Variants in DNAH10 observed in about 807,000 individuals in gnomAD.
DNAH10 encodes the protein axonemal beta dynein heavy chain 10.
Under a neutral mutation model 506.6 loss-of-function variants are expected in DNAH10, and 348 were observed. The ratio of observed to expected loss-of-function variants is 0.69; its 90% confidence interval spans 0.63 to 0.75. DNAH10 has a LOEUF of 0.75. Among genes scored for constraint, DNAH10 ranks in the 30% least tolerant of loss-of-function variants. DNAH10 has a pLI of 0.00. For synonymous variants in DNAH10, 2,059 were observed against 2,198.6 expected (o/e 0.94, Z 1.78); for missense variants, 5,179 against 5,787.1 (o/e 0.89, Z 3.41).
At chr12:123,835,635 AT>A in intron 28 of DNAH10, 107 bp downstream of exon 28, 1 of 1,442,694 alleles carries the variant, frequency 6.9e-7, no homozygotes, top group Non-Finnish European at 9.2e-7. Flanking sequence ...CTTCTCTCTC[AT>A]TTTTTAGAGA....
chr12:123,914,928 CCT>C lies in DNAH10; in HGVS notation c.10654_10655del (p.Leu3552ValfsTer27). 2 of 1,613,122 alleles carry C rather than the reference CCT, an allele frequency of 1.2e-6. No individual in the cohort carries two copies. Among genetic ancestry groups the C allele is most frequent in the Non-Finnish European group, 1.7e-6 (2 of 1,179,586 alleles). ...CCTCACCACCCGGGCCAGCCGCTTC[CCT>C]CTGTGTATCGACCCCCAGCAGCAGG... ...GILTTRASRF[P>X]LCIDPQQQAL... is the part of the protein sequence containing the mutation. On this transcript the variant is annotated frameshift_variant, in exon 62 of 79. Coordinates refer to ENST00000673944, the MANE Select transcript of DNAH10 (RefSeq NM_001372106.1). LOFTEE classifies it high-confidence loss of function.
chr12:123,766,334 C>G (rs1313255964), intron 1 of DNAH10, among the ~76,000 whole-genome samples: 1 of 148,200 alleles, frequency 6.7e-6, no homozygotes, highest in Non-Finnish European at 1.5e-5. Context: ...CTATATCTGT[C>G]TATCCTTGTT....
intron 5 of DNAH10, among the ~76,000 whole-genome samples, chr12:123,777,766 C>A (rs894906794): frequency 6.6e-6 from 1 of 152,180 alleles, no homozygotes; most frequent in Non-Finnish European, 1.5e-5. Context: ...CCACCTCAGC[C>A]TCCTGAGTAG....
Position 123,925,314 on chromosome 12 carries a change from T to TC in DNAH10, c.11921+111dup. ...GGCTGACCAGCTCCCGAGACAGCTG[T>TC]CGCCACCCTGCTGTACAATATTCGA... On this transcript the variant is annotated intron_variant, in intron 68 of 78. Transcript: ENST00000673944. The surrounding 1 kb of genome is among the most constrained non-coding windows in gnomAD (Gnocchi z 4.0). 1 of 1,407,144 alleles carries TC rather than the reference T, an allele frequency of 7.1e-7. No homozygotes were observed. 87.2% of individuals were successfully genotyped at this position (1,407,144 alleles called of 1,614,324 possible). A position where few individuals can be genotyped will look rare whatever the true frequency, so the allele number is the denominator to read the frequency against.
chr12:123,826,705 T>C lies in DNAH10; in HGVS notation c.4198T>C (p.Ser1400Pro). Residue 1400 changes from serine (S) to proline (P), a missense_variant, in exon 25 of 79, where the codon TCT (serine) becomes CCT (proline). Ser to Pro is a moderately conservative substitution (Grantham distance 74). This residue lies in a region of DNAH10 where 4,844 missense variants were observed against 5,430.5 expected (regional missense o/e 0.89). Transcript: ENST00000673944. ...EGLKVAKEEWSQTLWINLNVQ... is the reference protein window; with the variant it reads ...EGLKVAKEEWPQTLWINLNVQ... Reference sequence around the variant, plus strand: ...TTTCCAGGTTGCAAAAGAAGAATGGTCTCAGACCCTTTGGATCAACCTGAA... The same window carrying C: ...TTTCCAGGTTGCAAAAGAAGAATGGCCTCAGACCCTTTGGATCAACCTGAA... 1 of 1,613,564 alleles carries C rather than the reference T, an allele frequency of 6.2e-7. No individual in the cohort carries two copies. The highest frequency in any genetic ancestry group is 8.5e-7 in the Non-Finnish European group (1 of 1,179,730).
intron 17 of DNAH10, among the ~76,000 whole-genome samples, 178 bp from the exon 18 acceptor site, chr12:123,804,655 G>T (rs12099437): frequency 0.01 from 1,594 of 152,256 alleles, 29 homozygotes; most frequent in African/African-American, 0.036. Flanking sequence ...GTGCGTAACT[G>T]GTTGTCATTT....
At chr12:123,887,445 G>C (rs1248647972) in intron 52 of DNAH10, 132 bp downstream of exon 52, 1 of 1,096,734 alleles carries the variant, frequency 9.1e-7, no homozygotes, top group Non-Finnish European at 1.3e-6. Flanking sequence ...CTCCCTCACG[G>C]CGGCCCCTGA....
chr12:123,848,410 G>A (rs975510969), intron 33 of DNAH10, among the ~76,000 whole-genome samples: 3 of 152,184 alleles, frequency 2.0e-5, no homozygotes, highest in African/African-American at 7.2e-5. Context: ...TAAAGAGGGT[G>A]CCCGTCCAGC....
At position 123,913,233 on chromosome 12, in the gene DNAH10, C is replaced by G; in HGVS notation, c.10270C>G (p.Leu3424Val). 1 of 1,609,820 alleles carries G rather than the reference C, an allele frequency of 6.2e-7. No individual in the cohort carries two copies. ...GGCCGCCATACTGGAAAAGCAGAAG[C>G]TGCAGGAAGAAGCCGAGATCATGGA... ...YEAAILEKQK[L>V]QEEAEIMERR... The change falls in exon 60 of 79, where the codon CTG becomes GTG. Residue 3424 changes from leucine (L) to valine (V), a missense_variant. Around this residue, in one of 3 missense-constraint regions of DNAH10, gnomAD observed 4,844 missense variants for 5,430.5 expected, o/e 0.89. Coordinates refer to ENST00000673944, the MANE Select transcript of DNAH10 (RefSeq NM_001372106.1). This position sits in a 1 kb window ranked among gnomAD's most constrained non-coding sequence, Gnocchi z 5.1.
chr12:123,926,585 G>C lies in DNAH10; in HGVS notation c.11922-52G>C. On this transcript the variant is annotated intron_variant, in intron 68 of 78. Transcript: ENST00000673944. The surrounding 1 kb of genome is among the most constrained non-coding windows in gnomAD (Gnocchi z 4.1). ...GCGCTGATCAGACAGACCAGCCCCT[G>C]GTCTGGAGCTGTCCTCGCGGGAGAG... is the stretch of plus-strand genomic sequence containing the variant. 6.3e-7 allele frequency: 1 copy of C among 1,582,436 alleles called. No homozygotes were observed. The highest frequency in any genetic ancestry group is 1.4e-5 in the African/African-American group (1 of 73,868).
chr12:123,887,334 C>T (rs749030173), intron 52 of DNAH10, 21 bp downstream of exon 52: 284 of 1,607,660 alleles, frequency 1.8e-4, no homozygotes, highest in East Asian at 5.1e-4. Context: ...GGCTGGCGCC[C>T]GCTGTGGCCA....
At chr12:123,858,821 A>G (rs1951500184) in intron 37 of DNAH10, among the ~76,000 whole-genome samples, 1 of 152,194 alleles carries the variant, frequency 6.6e-6, no homozygotes, top group African/African-American at 2.4e-5. Context: ...GAAAGAAGCC[A>G]GATGTGAGAG....
intron 26 of DNAH10, 37 bp from the exon 27 acceptor site, chr12:123,833,077 C>A: frequency 6.6e-7 from 1 of 1,520,714 alleles, no homozygotes; most frequent in South Asian, 1.2e-5. Context: ...CCTTTCAGTT[C>A]GTGTGCCTGA....
intron 26 of DNAH10, among the ~76,000 whole-genome samples, chr12:123,831,763 G>A (rs1487597602): frequency 1.3e-5 from 2 of 151,578 alleles, no homozygotes; most frequent in African/African-American, 4.9e-5. Context: ...GTGTGGTGCC[G>A]GGTGTGGTGG....
chr12:123,807,911 GA>G (rs1958757081), intron 18 of DNAH10, among the ~76,000 whole-genome samples: 1 of 890 alleles, frequency 1.1e-3, no homozygotes, highest in African/African-American at 3.8e-3. Context: ...AGAGGGGAGA[GA>G]GAGGAGAGAG....
chr12:123,849,354 A>G (rs999966595), intron 34 of DNAH10, among the ~76,000 whole-genome samples: 1 of 152,266 alleles, frequency 6.6e-6, no homozygotes, highest in Non-Finnish European at 1.5e-5. Flanking sequence ...TTTTAAAACA[A>G]TTGTTGAGAA....
intron 29 of DNAH10, among the ~76,000 whole-genome samples, chr12:123,839,929 C>G (rs1012599141): frequency 6.6e-6 from 1 of 152,102 alleles, no homozygotes; most frequent in Admixed American, 6.6e-5. Flanking sequence ...AGAACACTGT[C>G]CCTTGTGATA....
intron 64 of DNAH10, 29 bp from the exon 65 acceptor site, chr12:123,918,647 T>C (rs779839777): frequency 6.5e-7 from 1 of 1,532,156 alleles, no homozygotes; most frequent in East Asian, 2.3e-5. Context: ...AGTCTTCCTG[T>C]TTCCAGGGTC....
rs1400789442 is a variant in DNAH10, at chr12:123,924,408, G to T, written c.11742G>T (p.Glu3914Asp). Residue 3914 changes from glutamate to aspartate, a missense_variant, in exon 67 of 79, where the codon GAG becomes GAT. Glu to Asp is a conservative substitution (Grantham distance 45, BLOSUM62 2). Transcript: ENST00000673944. Reference sequence around the variant, plus strand: ...TTGGGCAACTTCCTGATGATGTTGAGAATAATCAGACTGTCTGGCAGGAGG... The same window carrying T: ...TTGGGCAACTTCCTGATGATGTTGATAATAATCAGACTGTCTGGCAGGAGG... ...DNFGQLPDDV[E>D]NNQTVWQEWY... The T allele has an allele frequency of 6.2e-7, 1 of 1,613,446 alleles. No homozygotes were observed. The highest frequency in any genetic ancestry group is 8.5e-7 in the Non-Finnish European group (1 of 1,179,528).
Sources: gnomAD v4.1 joint callset for allele counts (sites outside exome capture counted in the v4.1 genomes callset) on GRCh38, gnomAD v4.1.1 for gene constraint, gnomAD v4.1.1 regional missense constraint, Gnocchi (gnomAD v3.1) non-coding constraint, MANE v1.5 for transcripts, NCBI Gene and HGNC (gene_info 2026-07-23, HGNC 2026-07-21) for gene names.